Variants in EGFLAM observed in about 807,000 individuals in gnomAD.
The protein encoded by EGFLAM is pikachurin.
EGFLAM carries 79 observed loss-of-function variants against 113.1 expected under a neutral mutation model. The ratio of observed to expected loss-of-function variants is 0.70; its 90% CI spans 0.58 to 0.84. The LOEUF (loss-of-function observed/expected upper bound fraction) is 0.84, where lower values mean the gene tolerates loss of function less well. Ranked by LOEUF, EGFLAM falls within the 40% of genes least tolerant of loss-of-function variation. EGFLAM has a pLI of 0.00. For synonymous variants in EGFLAM, 504 were observed against 487.6 expected, an observed-to-expected ratio of 1.03 and a Z score of -0.44; for missense variants, 1,265 against 1,291.6, an observed-to-expected ratio of 0.98 and a Z score of 0.32.
intron 6 of EGFLAM, among the ~76,000 whole-genome samples, chr5:38,392,731 C>T (rs1317559787): frequency 2.6e-5 from 4 of 151,914 alleles, no homozygotes; most frequent in South Asian, 2.1e-4. Context: ...ATGTGCACAA[C>T]GTGCAGGTTT....
chr5:38,464,173 C>T lies in EGFLAM; in HGVS notation c.*187C>T, dbSNP rs1743391402. 1.3e-5 allele frequency: 9 copies of T among 691,146 alleles called. No homozygotes were observed. Among genetic ancestry groups the T allele is most frequent in the Non-Finnish European group, 2.1e-5 (9 of 426,198 alleles). 42.8% of individuals were successfully genotyped at this position (691,146 alleles called of 1,614,324 possible). A position where few individuals can be genotyped will look rare whatever the true frequency, so the allele number is the denominator to read the frequency against. On this transcript the variant is annotated 3_prime_UTR_variant, in exon 22 of 22. Transcript: ENST00000322350. Reference sequence around the variant, plus strand: ...ATCCCTGGGTGGCCTTTCCTGCTGACACTCCACGAGCTGACCCAGCAGAAT... The same window carrying T: ...ATCCCTGGGTGGCCTTTCCTGCTGATACTCCACGAGCTGACCCAGCAGAAT...
intron 10 of EGFLAM, 71 bp from the exon 11 acceptor site, chr5:38,412,432 AC>A: frequency 6.2e-7 from 1 of 1,610,068 alleles, no homozygotes; most frequent in Non-Finnish European, 8.5e-7. Context: ...CCTGGAAGTG[AC>A]GTCCACGGAA....
intron 1 of EGFLAM, among the ~76,000 whole-genome samples, chr5:38,286,706 G>C (rs947819393): frequency 6.6e-6 from 1 of 152,196 alleles, no homozygotes; most frequent in African/African-American, 2.4e-5. Flanking sequence ...TTGCCATTAT[G>C]AAGCTATATC....
At chr5:38,408,235 T>C (rs555746857) in intron 9 of EGFLAM, among the ~76,000 whole-genome samples, 4 of 152,322 alleles carry the variant, frequency 2.6e-5, no homozygotes, top group Admixed American at 2.6e-4. Flanking sequence ...GAAGAAACAA[T>C]GCATTCCCCG....
At chr5:38,365,262 G>A (rs1481518596) in intron 5 of EGFLAM, among the ~76,000 whole-genome samples, 1 of 152,172 alleles carries the variant, frequency 6.6e-6, no homozygotes, top group Non-Finnish European at 1.5e-5. Context: ...AGGCTCTCAC[G>A]CATAGTAAAA....
rs149485864 is a variant in EGFLAM, at chr5:38,319,820, G to A, written c.98-17700G>A. Among the ~76,000 whole-genome samples the A allele has an allele frequency of 1.1e-3, 165 of 152,314 alleles. 1 individual carries two copies. Among genetic ancestry groups the A allele is most frequent in the Middle Eastern group, 6.8e-3 (2 of 294 alleles). ...ATGGGTGAGATCACCTGGCAGAAAG[G>A]GACTCACAGTGGGGCTCAGGCAGGA... On this transcript the variant is annotated intron_variant, in intron 1 of 21. Transcript: ENST00000322350.
intron 5 of EGFLAM, among the ~76,000 whole-genome samples, chr5:38,355,837 T>C (rs2111997239): frequency 6.6e-6 from 1 of 152,350 alleles, no homozygotes; most frequent in East Asian, 1.9e-4. Flanking sequence ...CTCAGCTCAC[T>C]GCAACCTCTG....
chr5:38,334,368 T>G (rs552712267), intron 1 of EGFLAM, among the ~76,000 whole-genome samples: 1 of 152,268 alleles, frequency 6.6e-6, no homozygotes, highest in African/African-American at 2.4e-5. Context: ...ACCAACAGAT[T>G]TGGTGTCTGG....
At chr5:38,391,410 G>GTGTGTGTGTGTGTGTGTGTGTGTT (rs1554010817) in intron 6 of EGFLAM, among the ~76,000 whole-genome samples, 1 of 151,046 alleles carries the variant, frequency 6.6e-6, no homozygotes, top group African/African-American at 2.4e-5. Context: ...GTGTGTGTGT[G>GTGTGTGTGTGTGTGTGTGTGTGTT]TGTGTGTGAT....
At chr5:38,429,429 A>T (rs1025106365) in intron 14 of EGFLAM, among the ~76,000 whole-genome samples, 3 of 152,232 alleles carry the variant, frequency 2.0e-5, no homozygotes, top group African/African-American at 7.2e-5. Flanking sequence ...AATTGTGCCC[A>T]TTGGTATTCC....
At chr5:38,321,496 G>C (rs567243191) in intron 1 of EGFLAM, among the ~76,000 whole-genome samples, 3 of 152,310 alleles carry the variant, frequency 2.0e-5, no homozygotes, top group Non-Finnish European at 4.4e-5. Context: ...AGGTCACACT[G>C]TGCAGGCTCC....
chr5:38,395,854 T>C (rs1379193029), intron 6 of EGFLAM, among the ~76,000 whole-genome samples: 1 of 152,166 alleles, frequency 6.6e-6, no homozygotes, highest in East Asian at 1.9e-4. Context: ...ACTATGTATG[T>C]CAATTTTCGG....
chr5:38,375,703 T>G (rs1275564452), intron 6 of EGFLAM, among the ~76,000 whole-genome samples: 1 of 24,502 alleles, frequency 4.1e-5, no homozygotes, highest in African/African-American at 1.7e-4. Context: ...TGCTGGTAGT[T>G]AATGAAAGCC....
chr5:38,457,083 A>C (rs181289169), intron 19 of EGFLAM, among the ~76,000 whole-genome samples: 1 of 152,194 alleles, frequency 6.6e-6, no homozygotes, highest in Non-Finnish European at 1.5e-5. Flanking sequence ...TGAAATAGAA[A>C]ATAGGAAGCC....
chr5:38,438,165 T>G (rs1311396502), intron 16 of EGFLAM, 110 bp from the exon 17 acceptor site: 14 of 1,198,938 alleles, frequency 1.2e-5, no homozygotes, highest in Non-Finnish European at 1.5e-5. Context: ...TAAAAAAATT[T>G]TTTTTCAATC....
chr5:38,312,920 T>A (rs552093978), intron 1 of EGFLAM, among the ~76,000 whole-genome samples: 1 of 152,022 alleles, frequency 6.6e-6, no homozygotes, highest in Non-Finnish European at 1.5e-5. Flanking sequence ...AAAACCCCTC[T>A]GTAGTAAAAA....
intron 6 of EGFLAM, among the ~76,000 whole-genome samples, chr5:38,392,829 C>T (rs1481569896): frequency 2.6e-5 from 4 of 152,152 alleles, no homozygotes; most frequent in Non-Finnish European, 4.4e-5. Context: ...GCTATCCCTC[C>T]CTGCTCCCCC....
chr5:38,289,279 C>CA (rs917722799), intron 1 of EGFLAM, among the ~76,000 whole-genome samples: 1 of 150,860 alleles, frequency 6.6e-6, no homozygotes, highest in African/African-American at 2.4e-5. Flanking sequence ...TTCCCCGCCC[C>CA]CACATTTCAG....
At chr5:38,370,103 T>C (rs1740165147) in intron 5 of EGFLAM, among the ~76,000 whole-genome samples, 193 bp from the exon 6 acceptor site, 1 of 152,240 alleles carries the variant, frequency 6.6e-6, no homozygotes, top group Non-Finnish European at 1.5e-5. Context: ...AATCTACTTG[T>C]TTTTATCGGC....
Sources: gnomAD v4.1 joint callset for allele counts (sites outside exome capture counted in the v4.1 genomes callset) on GRCh38, gnomAD v4.1.1 for gene constraint, MANE v1.5 for transcripts, NCBI Gene and HGNC (gene_info 2026-07-23, HGNC 2026-07-21) for gene names.